The following CDH12 variants were observed in gnomAD, a reference collection of about 807,000 sequenced individuals.
The protein encoded by CDH12 is cadherin-12.
A neutral mutation model predicts 74.1 loss-of-function variants in CDH12; 41 were observed. That is an observed-to-expected ratio of 0.55 (90% CI 0.43 to 0.72). CDH12 has a LOEUF of 0.72. Among genes scored for constraint, CDH12 ranks in the 30% least tolerant of loss-of-function variants. The probability of loss-of-function intolerance (pLI) is 0.00; values close to 1 mark genes in which losing one functional copy is unlikely to be tolerated. For missense variants in CDH12, 945 were observed against 977.2 expected, an observed-to-expected ratio of 0.97 and a Z score of 0.44; for synonymous variants, 399 against 355.0, an observed-to-expected ratio of 1.12 and a Z score of -1.39.
chr5:22,025,377 G>A (rs55834910), intron 5 of CDH12, among the ~76,000 whole-genome samples: 1 of 152,002 alleles, frequency 6.6e-6, no homozygotes, highest in Non-Finnish European at 1.5e-5. Context: ...ACTTATAAAA[G>A]TTATGTTCAT....
At chr5:22,210,689 A>G (rs1025589745) in intron 4 of CDH12, among the ~76,000 whole-genome samples, 9 of 152,132 alleles carry the variant, frequency 5.9e-5, no homozygotes, top group African/African-American at 2.2e-4. Flanking sequence ...TACATCCAAC[A>G]AAAAAGTTCA....
At chr5:22,077,110 G>T (rs1371410771) in intron 5 of CDH12, among the ~76,000 whole-genome samples, 1 of 151,682 alleles carries the variant, frequency 6.6e-6, no homozygotes, top group African/African-American at 2.4e-5. Context: ...ACTGAGACTG[G>T]ATGACCAGAA....
At chr5:22,145,039 A>G (rs1361575238) in intron 4 of CDH12, among the ~76,000 whole-genome samples, 1 of 152,056 alleles carries the variant, frequency 6.6e-6, no homozygotes, top group Non-Finnish European at 1.5e-5. Context: ...ATTTCTCATT[A>G]TTTTGCAGAA....
intron 6 of CDH12, among the ~76,000 whole-genome samples, chr5:21,942,878 C>A (rs192580045): frequency 6.7e-4 from 102 of 152,258 alleles, no homozygotes; most frequent in Middle Eastern, 3.4e-3. Context: ...AAACAAGGCA[C>A]AGAGAGTGAT....
At chr5:22,089,195 C>A (rs550528771) in intron 4 of CDH12, among the ~76,000 whole-genome samples, 1 of 152,278 alleles carries the variant, frequency 6.6e-6, no homozygotes, top group South Asian at 2.1e-4. Context: ...ATGAGTTCAT[C>A]CAATTCACTA....
intron 4 of CDH12, among the ~76,000 whole-genome samples, chr5:22,160,647 G>A (rs953286983): frequency 6.6e-6 from 1 of 152,126 alleles, no homozygotes; most frequent in Non-Finnish European, 1.5e-5. Flanking sequence ...CAGGGTGCTG[G>A]CTGATTTAGT....
chr5:22,396,972 C>A (rs1742487192), intron 3 of CDH12, among the ~76,000 whole-genome samples: 2 of 152,014 alleles, frequency 1.3e-5, no homozygotes, highest in African/African-American at 4.8e-5. Context: ...ATACTCATTG[C>A]TTTTCTCTCT....
intron 4 of CDH12, among the ~76,000 whole-genome samples, chr5:22,146,208 A>G (rs1747165688): frequency 6.6e-6 from 1 of 152,082 alleles, no homozygotes; most frequent in South Asian, 2.1e-4. Flanking sequence ...TCCCACTTAC[A>G]GCATATTTAA....
chr5:22,379,054 T>C (rs1741652936), intron 3 of CDH12, among the ~76,000 whole-genome samples: 2 of 152,154 alleles, frequency 1.3e-5, no homozygotes, highest in African/African-American at 4.8e-5. Flanking sequence ...AAATACTATA[T>C]AGTAACTGAG....
chr5:22,242,074 C>G (rs1185767872), intron 3 of CDH12, among the ~76,000 whole-genome samples: 1 of 152,100 alleles, frequency 6.6e-6, no homozygotes, highest in African/African-American at 2.4e-5. Context: ...AGTAACAACA[C>G]TGACCTTCAT....
rs114084890 is a variant in CDH12 at position 21,818,008 on chromosome 5, C to A, written c.815-876G>T. Reference sequence around the variant, plus strand: ...GTAGAATTTTTCAAAGTTTGACACACAAGAAAGATATAGTGCATGCTCTTT... The same window carrying A: ...GTAGAATTTTTCAAAGTTTGACACAAAAGAAAGATATAGTGCATGCTCTTT... On this transcript the variant is annotated intron_variant, in intron 8 of 14. Transcript: ENST00000382254. 5.3e-3 allele frequency among the ~76,000 whole-genome samples: 799 copies of A among 151,970 alleles called. 5 individuals are homozygous for A. Among genetic ancestry groups the A allele is most frequent in the African/African-American group, 0.018 (745 of 41,504 alleles).
intron 6 of CDH12, among the ~76,000 whole-genome samples, chr5:21,911,359 A>G (rs1753850431): frequency 6.6e-6 from 1 of 152,156 alleles, no homozygotes; most frequent in Non-Finnish European, 1.5e-5. Context: ...AATTCTTACC[A>G]TTATTGATCA....
At chr5:21,857,748 G>T (rs559635906) in intron 6 of CDH12, among the ~76,000 whole-genome samples, 1 of 151,944 alleles carries the variant, frequency 6.6e-6, no homozygotes, top group African/African-American at 2.4e-5. Flanking sequence ...CATGAGATCC[G>T]ATTTGGATAT....
At chr5:22,544,917 C>T (rs1022552070) in intron 1 of CDH12, among the ~76,000 whole-genome samples, 34 of 151,934 alleles carry the variant, frequency 2.2e-4, no homozygotes, top group Non-Finnish European at 4.4e-5. Context: ...CTACAGGTGA[C>T]GTTCTTTTTT....
chr5:22,191,871 G>A (rs1429944773), intron 4 of CDH12, among the ~76,000 whole-genome samples: 18 of 151,726 alleles, frequency 1.2e-4, no homozygotes, highest in Admixed American at 1.1e-3. Context: ...GCCCACCAAT[G>A]GTCTTTAAAG....
intron 1 of CDH12, among the ~76,000 whole-genome samples, chr5:22,527,550 A>C (rs1303052899): frequency 6.6e-6 from 1 of 152,158 alleles, no homozygotes; most frequent in Non-Finnish European, 1.5e-5. Flanking sequence ...AACCACATCC[A>C]CATTGACTTC....
At chr5:22,014,344 G>C (rs1318822298) in intron 5 of CDH12, among the ~76,000 whole-genome samples, 1 of 152,074 alleles carries the variant, frequency 6.6e-6, no homozygotes, top group African/African-American at 2.4e-5. Flanking sequence ...GCACAATAAT[G>C]AAAGTTCATT....
intron 2 of CDH12, among the ~76,000 whole-genome samples, chr5:22,459,844 T>TA (rs1745429589): frequency 6.6e-6 from 1 of 152,058 alleles, no homozygotes; most frequent in Non-Finnish European, 1.5e-5. Flanking sequence ...CACACACCTG[T>TA]AGTCCCAGCT....
chr5:22,846,275 T>C (rs1047334189), intron 1 of CDH12, among the ~76,000 whole-genome samples: 1 of 152,136 alleles, frequency 6.6e-6, no homozygotes, highest in East Asian at 1.9e-4. Context: ...GATTCCTAGA[T>C]AGAAATATTG....
Sources: allele counts gnomAD v4.1 joint callset (sites outside exome capture counted in the v4.1 genomes callset), GRCh38; gene constraint gnomAD v4.1.1; transcripts MANE v1.5; gene names NCBI Gene and HGNC (gene_info 2026-07-23, HGNC 2026-07-21).